The following TBC1D5 variants were observed in gnomAD, a reference collection of about 807,000 sequenced individuals.
The protein encoded by TBC1D5 is TBC1 domain family, member 5.
Under a neutral mutation model 100.3 loss-of-function variants are expected in TBC1D5, and 75 were observed. The observed-to-expected ratio is 0.75, with a 90% confidence interval of 0.62 to 0.91. The LOEUF (loss-of-function observed/expected upper bound fraction) is 0.91, where lower values mean the gene tolerates loss of function less well. TBC1D5 is among the 40% of genes least tolerant of loss of function. The probability of loss-of-function intolerance (pLI) is 0.00; values close to 1 mark genes in which losing one functional copy is unlikely to be tolerated. For synonymous variants in TBC1D5, 323 were observed against 325.6 expected (o/e 0.99, Z 0.09); for missense variants, 910 against 942.4 (o/e 0.97, Z 0.45).
chr3:17,657,657 C>T (rs756185842), intron 1 of TBC1D5, among the ~76,000 whole-genome samples: 1 of 152,142 alleles, frequency 6.6e-6, no homozygotes, highest in Non-Finnish European at 1.5e-5. Flanking sequence ...TCTTTAGCTG[C>T]ATCAATATAG....
chr3:17,318,092 C>T (rs966637933), intron 13 of TBC1D5, among the ~76,000 whole-genome samples: 21 of 151,888 alleles, frequency 1.4e-4, no homozygotes, highest in African/African-American at 5.1e-4. Flanking sequence ...AGGGATGAAA[C>T]TGGAAATCAT....
At chr3:17,590,389 G>A (rs1335468453) in intron 2 of TBC1D5, among the ~76,000 whole-genome samples, 6 of 152,120 alleles carry the variant, frequency 3.9e-5, no homozygotes, top group Non-Finnish European at 5.9e-5. Context: ...GCTGAAATAC[G>A]GATTAAAAGA....
chr3:17,460,369 T>C (rs915917661), intron 3 of TBC1D5, among the ~76,000 whole-genome samples: 1 of 152,200 alleles, frequency 6.6e-6, no homozygotes, highest in Non-Finnish European at 1.5e-5. Flanking sequence ...TGGGGATGAA[T>C]GATGAGAACG....
intron 2 of TBC1D5, among the ~76,000 whole-genome samples, chr3:17,529,912 C>T (rs2096196254): frequency 6.6e-6 from 1 of 152,064 alleles, no homozygotes; most frequent in African/African-American, 2.4e-5. Flanking sequence ...GTTAACTATG[C>T]ATTTTTATTT....
chr3:17,663,416 G>A (rs1244226600), intron 1 of TBC1D5, among the ~76,000 whole-genome samples: 1 of 151,882 alleles, frequency 6.6e-6, no homozygotes, highest in Admixed American at 6.6e-5. Flanking sequence ...AATTAAATAT[G>A]AGAAAACTAC....
intron 13 of TBC1D5, among the ~76,000 whole-genome samples, chr3:17,350,882 T>C (rs766060275): frequency 1.4e-4 from 22 of 152,126 alleles, no homozygotes; most frequent in Non-Finnish European, 2.4e-4. Flanking sequence ...TACTTTCAGA[T>C]ACAATCATGC....
chr3:17,382,651 C>A (rs1409725649), intron 9 of TBC1D5, among the ~76,000 whole-genome samples: 10 of 151,834 alleles, frequency 6.6e-5, no homozygotes. Context: ...GCCTCAAACT[C>A]CTGGTCTCAA....
At chr3:17,314,363 T>A (rs1460597566) in intron 13 of TBC1D5, among the ~76,000 whole-genome samples, 1 of 152,174 alleles carries the variant, frequency 6.6e-6, no homozygotes, top group African/African-American at 2.4e-5. Context: ...CTTATCAGTC[T>A]TCTCCCTGGG....
At chr3:17,320,750 A>G (rs1436660325) in intron 13 of TBC1D5, among the ~76,000 whole-genome samples, 1 of 152,216 alleles carries the variant, frequency 6.6e-6, no homozygotes, top group African/African-American at 2.4e-5. Flanking sequence ...AGTTCTCAAA[A>G]CTGTATTACT....
chr3:17,302,271 C>T (rs2082923215), intron 14 of TBC1D5, among the ~76,000 whole-genome samples: 1 of 136,328 alleles, frequency 7.3e-6, no homozygotes. Flanking sequence ...GCTGTCTTCA[C>T]ACGGCTTTCT....
At chr3:17,608,691 G>C (rs145210215) in intron 2 of TBC1D5, among the ~76,000 whole-genome samples, 289 of 152,184 alleles carry the variant, frequency 1.9e-3, no homozygotes, top group Non-Finnish European at 2.9e-3. Flanking sequence ...AAGATCTGTT[G>C]TATTTTCATC....
chr3:17,552,755 G>A (rs1016790542), intron 2 of TBC1D5, among the ~76,000 whole-genome samples: 1 of 152,148 alleles, frequency 6.6e-6, no homozygotes, highest in Non-Finnish European at 1.5e-5. Context: ...TATCTGAAGA[G>A]GTGACATTTA....
chr3:17,254,773 G>GGA (rs1392115917), intron 16 of TBC1D5, among the ~76,000 whole-genome samples: 1 of 100,466 alleles, frequency 1.0e-5, no homozygotes, highest in Admixed American at 1.4e-4. Flanking sequence ...GGGTGGGGGG[G>GGA]GGGTCCCAAG....
intron 9 of TBC1D5, among the ~76,000 whole-genome samples, chr3:17,379,895 A>G (rs1339816646): frequency 6.6e-6 from 1 of 151,974 alleles, no homozygotes; most frequent in Middle Eastern, 3.2e-3. Flanking sequence ...TCTCTCTCAA[A>G]ATATCTTATT....
intron 3 of TBC1D5, among the ~76,000 whole-genome samples, chr3:17,497,780 T>C (rs2095732893): frequency 6.6e-6 from 1 of 152,200 alleles, no homozygotes; most frequent in South Asian, 2.1e-4. Context: ...CATGATGCCA[T>C]GATATAAAAG....
At chr3:17,479,436 A>G (rs1362767893) in intron 3 of TBC1D5, among the ~76,000 whole-genome samples, 3 of 152,218 alleles carry the variant, frequency 2.0e-5, no homozygotes, top group African/African-American at 7.2e-5. Context: ...CAAACAATAT[A>G]TCAAGGTGTA....
chr3:17,659,592 T>C (rs1165929901), intron 1 of TBC1D5, among the ~76,000 whole-genome samples: 1 of 152,126 alleles, frequency 6.6e-6, no homozygotes, highest in Non-Finnish European at 1.5e-5. Flanking sequence ...AGTAGTGCAC[T>C]TTGACATATG....
At chr3:17,590,741 G>C (rs2096761377) in intron 2 of TBC1D5, among the ~76,000 whole-genome samples, 1 of 152,136 alleles carries the variant, frequency 6.6e-6, no homozygotes, top group Admixed American at 6.5e-5. Flanking sequence ...ACTGTCAAAG[G>C]CAAGGTGGGC....
intron 1 of TBC1D5, among the ~76,000 whole-genome samples, chr3:17,629,345 GAAA>G (rs1370421510): frequency 1.3e-5 from 2 of 152,154 alleles, no homozygotes; most frequent in Non-Finnish European, 2.9e-5. Flanking sequence ...TCAAAAAAGT[GAAA>G]TTAAAACATT....
Sources: allele counts gnomAD v4.1 joint callset (sites outside exome capture counted in the v4.1 genomes callset), GRCh38; gene constraint gnomAD v4.1.1; transcripts MANE v1.5; gene names NCBI Gene and HGNC (gene_info 2026-07-23, HGNC 2026-07-21).